Variants in DENND4C observed in about 807,000 individuals in gnomAD.
DENND4C encodes DENN domain-containing protein 4C.
A neutral mutation model predicts 203.0 loss-of-function variants in DENND4C; 108 were observed. That is an observed-to-expected ratio of 0.53 (90% CI 0.46 to 0.62). The LOEUF is 0.62. DENND4C is among the 20% of genes least tolerant of loss of function. The pLI is 0.00. For missense variants in DENND4C, 2,481 were observed against 2,301.2 expected (o/e 1.08, Z -1.60); for synonymous variants, 871 against 792.4 (o/e 1.10, Z -1.67).
intron 1 of DENND4C, among the ~76,000 whole-genome samples, chr9:19,256,142 A>G (rs916714800): frequency 6.6e-6 from 1 of 152,120 alleles, no homozygotes; most frequent in Non-Finnish European, 1.5e-5. Flanking sequence ...ATAACTATGA[A>G]AGAATTTGGG....
At chr9:19,344,709 C>G (rs1486053500) in intron 22 of DENND4C, among the ~76,000 whole-genome samples, 1 of 152,108 alleles carries the variant, frequency 6.6e-6, no homozygotes, top group African/African-American at 2.4e-5. Context: ...CTCCATGTTG[C>G]CCAGGCTGGT....
rs763085929 is a variant in DENND4C, at chr9:19,352,631, A to G, written c.4747A>G (p.Asn1583Asp). 6.2e-7 allele frequency: 1 copy of G among 1,610,810 alleles called. No individual in the cohort carries two copies. The change falls in exon 26 of 33, where the codon AAT (asparagine) becomes GAT (aspartate). Residue 1583 changes from asparagine (N) to aspartate (D), a missense_variant. Transcript: ENST00000434457. ...TAAAAGCAACTTCTTGCCTCTTCTC[A>G]ATATAGAATTCAAAGATTTGAGAGG... is the stretch of plus-strand genomic sequence containing the variant. The part of the protein sequence containing the change: ...FCKSNFLPLL[N>D]IEFKDLRGSA...
At chr9:19,233,573 T>A (rs917114034) in intron 1 of DENND4C, among the ~76,000 whole-genome samples, 31 of 150,418 alleles carry the variant, frequency 2.1e-4, no homozygotes, top group African/African-American at 5.4e-4. Context: ...TTTTTTTTTT[T>A]TTTTTGAGAT....
At chr9:19,354,768 A>T (rs1367611810) in intron 26 of DENND4C, among the ~76,000 whole-genome samples, 1 of 150,178 alleles carries the variant, frequency 6.7e-6, no homozygotes, top group Non-Finnish European at 1.5e-5. Context: ...CTGGTCTCGA[A>T]CTCCTGATCT....
At chr9:19,292,543 T>C (rs1048380019) in intron 5 of DENND4C, 1 of 150,672 alleles carries the variant, frequency 6.6e-6, no homozygotes, top group Admixed American at 6.6e-5. Context: ...AAAACTTTCT[T>C]TTCTTTTTTT....
In DENND4C at chr9:19,316,933, T is replaced by C. The variant is rs975468150; in HGVS notation, c.1807+94T>C. The C allele has an allele frequency of 3.6e-6, 4 of 1,106,120 alleles. No homozygotes were observed. The Admixed American group carries it at 1.1e-4, about 30-fold the overall frequency. 68.5% of individuals were successfully genotyped at this position (1,106,120 alleles called of 1,614,324 possible). On this transcript the variant is annotated intron_variant, in intron 12 of 32. Transcript: ENST00000434457. ...AAGAAATACTTATTGTATAAATTAT[T>C]ACAAATTCACATTCAAATATAATGA...
chr9:19,357,268 T>C lies in DENND4C; in HGVS notation c.4964+114T>C, dbSNP rs946053600. On this transcript the variant is annotated intron_variant, in intron 27 of 32. Transcript: ENST00000434457. Reference sequence around the variant, plus strand: ...AGGCATAAGTTCTGGCATTTAAGAGTACATCTTAACTTATTACCACATAGT... The same window carrying C: ...AGGCATAAGTTCTGGCATTTAAGAGCACATCTTAACTTATTACCACATAGT... 9.1e-6 allele frequency: 9 copies of C among 991,306 alleles called. No individual in the cohort carries two copies. The African/African-American group carries it at 2.0e-4, about 21-fold the overall frequency. The allele number at this position is 991,306 out of a possible 1,614,324, so 61.4% of individuals were successfully genotyped here. A position where few individuals can be genotyped will look rare whatever the true frequency, so the allele number is the denominator to read the frequency against.
At position 19,373,310 on chromosome 9, in the gene DENND4C, T is replaced by C. The variant is rs543340071; in HGVS notation, c.*1137T>C. Reference sequence around the variant, plus strand: ...TTTAAAATGGGAACAAATGAATCAATCATCAGATAGTTAAAATGAAATTAA... The same window carrying C: ...TTTAAAATGGGAACAAATGAATCAACCATCAGATAGTTAAAATGAAATTAA... On this transcript the variant is annotated 3_prime_UTR_variant, in exon 33 of 33. Coordinates refer to ENST00000434457, the MANE Select transcript of DENND4C (RefSeq NM_001330640.2). The C allele has an allele frequency of 6.6e-6, 1 of 152,608 alleles. No homozygotes were observed. Among genetic ancestry groups the C allele is most frequent in the East Asian group, 1.9e-4 (1 of 5,192 alleles). The allele number at this position is 152,608 out of a possible 1,614,324, so 9.5% of individuals were successfully genotyped here. A position where few individuals can be genotyped will look rare whatever the true frequency, so the allele number is the denominator to read the frequency against.
At chr9:19,314,121 G>A (rs1467623923) in intron 10 of DENND4C, among the ~76,000 whole-genome samples, 1 of 151,830 alleles carries the variant, frequency 6.6e-6, no homozygotes, top group Non-Finnish European at 1.5e-5. Flanking sequence ...TGGACTTTGG[G>A]GACTTGGGGG....
intron 1 of DENND4C, among the ~76,000 whole-genome samples, chr9:19,269,425 C>G (rs796667926): frequency 3.9e-5 from 6 of 152,296 alleles, no homozygotes; most frequent in African/African-American, 1.2e-4. Context: ...TCCCAAAATG[C>G]TGGGATTACA....
At chr9:19,354,787 C>T (rs944078375) in intron 26 of DENND4C, among the ~76,000 whole-genome samples, 25 of 151,958 alleles carry the variant, frequency 1.6e-4, no homozygotes, top group African/African-American at 5.8e-4. Context: ...CTCAGATGAT[C>T]CACCCACCTT....
intron 1 of DENND4C, 83 bp from the exon 2 acceptor site, chr9:19,276,075 A>G: frequency 6.3e-6 from 4 of 633,472 alleles, no homozygotes; most frequent in Admixed American, 4.4e-5. Flanking sequence ...GTGCTAGTTG[A>G]TGATTGTTAA....
chr9:19,345,830 G>A (rs1563825464), intron 22 of DENND4C, 91 bp from the exon 23 acceptor site: 2 of 1,196,954 alleles, frequency 1.7e-6, no homozygotes, highest in Non-Finnish European at 2.3e-6. Flanking sequence ...CTGAGTATAT[G>A]TCACATTCAT....
At position 19,347,605 on chromosome 9, in the gene DENND4C, A is replaced by G. The variant is rs544420126; in HGVS notation, c.4317+519A>G. ...ACTTTGGTTTTCATATTTAAAAACT[A>G]TGCATATTTGGTTTCTTTCTTGAAG... On this transcript the variant is annotated intron_variant, in intron 23 of 32. Coordinates refer to ENST00000434457, the MANE Select transcript of DENND4C (RefSeq NM_001330640.2). Among the ~76,000 whole-genome samples the G allele has an allele frequency of 1.4e-3, 213 of 152,368 alleles. 1 individual carries two copies. Among genetic ancestry groups the G allele is most frequent in the Middle Eastern group, 0.01 (3 of 294 alleles).
intron 2 of DENND4C, among the ~76,000 whole-genome samples, chr9:19,278,064 C>G (rs1166680932): frequency 2.3e-5 from 3 of 131,560 alleles, no homozygotes; most frequent in Admixed American, 8.6e-5. Context: ...ATTCATGAAG[C>G]CTTTTTTTTC....
At position 19,281,448 on chromosome 9, in the gene DENND4C, A is replaced by G. The variant is rs187116767; in HGVS notation, c.305+4969A>G. On this transcript the variant is annotated intron_variant, in intron 2 of 32. Coordinates refer to ENST00000434457, the MANE Select transcript of DENND4C (RefSeq NM_001330640.2). ...GTTTGGAAAACCTATTAGCTTCTGTATTTATAGTAGGAAAGCCTATTAGCT... is the reference window on the plus strand; with the variant it reads ...GTTTGGAAAACCTATTAGCTTCTGTGTTTATAGTAGGAAAGCCTATTAGCT... Among the ~76,000 whole-genome samples the G allele has an allele frequency of 7.2e-5, 11 of 152,296 alleles. No homozygotes were observed. The East Asian group carries it at 2.1e-3, about 29-fold the overall frequency.
At chr9:19,329,459 CAT>C (rs764703924) in intron 16 of DENND4C, among the ~76,000 whole-genome samples, 1 of 152,150 alleles carries the variant, frequency 6.6e-6, no homozygotes, top group African/African-American at 2.4e-5. Context: ...TATTCATAGA[CAT>C]GTGGATACTT....
rs1829240081 is a variant in DENND4C at position 19,373,868 on chromosome 9, T to C, written c.*1695T>C. On this transcript the variant is annotated 3_prime_UTR_variant, in exon 33 of 33. Coordinates refer to ENST00000434457, the MANE Select transcript of DENND4C (RefSeq NM_001330640.2). ...TTACAAATTATAGTTATTGTACCAG[T>C]CTTTCAACATTTCAGGGTTAATCTG... is the stretch of plus-strand genomic sequence containing the variant. Among the ~76,000 whole-genome samples, 1 of 152,228 alleles carries C rather than the reference T, an allele frequency of 6.6e-6. No homozygotes were observed. Among genetic ancestry groups the C allele is most frequent in the African/African-American group, 2.4e-5 (1 of 41,472 alleles).
At position 19,373,638 on chromosome 9, in the gene DENND4C, G is replaced by A. The variant is rs1448570233; in HGVS notation, c.*1465G>A. On this transcript the variant is annotated 3_prime_UTR_variant, in exon 33 of 33. Coordinates refer to ENST00000434457, the MANE Select transcript of DENND4C (RefSeq NM_001330640.2). ...GTTTAAGAAAATCATGATCTCACAT[G>A]CCTCACTTTGACATTTATCATGCCT... The A allele has an allele frequency of 2.6e-5, 4 of 152,566 alleles. No homozygotes were observed. Among genetic ancestry groups the A allele is most frequent in the South Asian group, 2.1e-4 (1 of 4,814 alleles). 9.5% of individuals were successfully genotyped at this position (152,566 alleles called of 1,614,324 possible).
Sources: allele counts gnomAD v4.1 joint callset (sites outside exome capture counted in the v4.1 genomes callset), GRCh38; gene constraint gnomAD v4.1.1; transcripts MANE v1.5; gene names NCBI Gene and HGNC (gene_info 2026-07-23, HGNC 2026-07-21).